KCNH4: variants seen among roughly 807,000 people sequenced by gnomAD.
The protein encoded by KCNH4 is voltage-gated delayed rectifier potassium channel KCNH4.
In KCNH4, 33 loss-of-function variants were observed where a neutral mutation model predicts 90.7. The ratio of observed to expected loss-of-function variants is 0.36; its 90% CI spans 0.28 to 0.49. KCNH4 has a LOEUF of 0.49. Ranked by LOEUF, KCNH4 falls within the 20% of genes least tolerant of loss-of-function variation. KCNH4 has a pLI of 0.98. For missense variants in KCNH4, 1,044 were observed against 1,387.1 expected, an observed-to-expected ratio of 0.75 and a Z score of 3.93; for synonymous variants, 551 against 581.7, an observed-to-expected ratio of 0.95 and a Z score of 0.76.
chr17:42,171,398 G>C (rs1489892009), intron 7 of KCNH4, among the ~76,000 whole-genome samples: 3 of 152,122 alleles, frequency 2.0e-5, no homozygotes, highest in African/African-American at 7.2e-5. Flanking sequence ...CAAGGGCCTG[G>C]GGCTGTCTCC....
intron 4 of KCNH4, 64 bp downstream of exon 4, chr17:42,178,036 G>A (rs2079874100): frequency 6.4e-7 from 1 of 1,572,376 alleles, no homozygotes; most frequent in Non-Finnish European, 8.6e-7. Context: ...GGAGACAGTG[G>A]CAGGGGTGCC....
In KCNH4 at chr17:42,180,493, CTG is replaced by C. The variant is rs1178799396; in HGVS notation, c.76+375_76+376del. On this transcript the variant is annotated intron_variant, in intron 1 of 16. Coordinates refer to ENST00000264661, the MANE Select transcript of KCNH4 (RefSeq NM_012285.3). This position sits in a 1 kb window ranked among gnomAD's most constrained non-coding sequence, Gnocchi z 4.7. ...TTCTGGAGGTAGTGGGAGCTGGAGT[CTG>C]TGAGTAGACCCCAGAATGCCCGGCC... Among the ~76,000 whole-genome samples, 3 of 152,112 alleles carry C rather than the reference CTG, an allele frequency of 2.0e-5. No individual in the cohort carries two copies. Among genetic ancestry groups the C allele is most frequent in the Non-Finnish European group, 4.4e-5 (3 of 68,012 alleles).
chr17:42,171,642 A>C (rs1417422077), intron 7 of KCNH4, 146 bp downstream of exon 7: 5 of 835,498 alleles, frequency 6.0e-6, no homozygotes, highest in Non-Finnish European at 1.0e-5. Context: ...CAATATTCCC[A>C]TGCTTGATCC....
At chr17:42,165,277 G>T (rs555217489) in intron 11 of KCNH4, among the ~76,000 whole-genome samples, 172 bp downstream of exon 11, 2 of 152,242 alleles carry the variant, frequency 1.3e-5, no homozygotes, top group Non-Finnish European at 2.9e-5. Flanking sequence ...GGCCAGTGTA[G>T]TGTCAGCGGG....
At chr17:42,169,010 A>G (rs2079807583) in intron 9 of KCNH4, among the ~76,000 whole-genome samples, 1 of 152,010 alleles carries the variant, frequency 6.6e-6, no homozygotes. Flanking sequence ...TGACCTTGTG[A>G]TCCGCCCACC....
At chr17:42,166,169 C>T (rs573178777) in intron 10 of KCNH4, 128 bp downstream of exon 10, 5 of 1,210,476 alleles carry the variant, frequency 4.1e-6, no homozygotes, top group Non-Finnish European at 5.7e-6. Flanking sequence ...GAGAGTACTC[C>T]TCAGCAGGAA....
At chr17:42,167,761 G>T (rs2079798023) in intron 9 of KCNH4, among the ~76,000 whole-genome samples, 2 of 152,206 alleles carry the variant, frequency 1.3e-5, no homozygotes, top group Non-Finnish European at 2.9e-5. Flanking sequence ...GCAACCAGCA[G>T]GAGATTACCA....
chr17:42,173,949 G>T (rs1226741299), intron 6 of KCNH4, among the ~76,000 whole-genome samples: 1 of 151,664 alleles, frequency 6.6e-6, no homozygotes, highest in Admixed American at 6.6e-5. Context: ...TGATCCGCCC[G>T]CCTGGGCCTC....
intron 4 of KCNH4, 54 bp from the exon 5 acceptor site, chr17:42,176,351 T>C: frequency 9.1e-7 from 1 of 1,104,804 alleles, no homozygotes; most frequent in Admixed American, 2.9e-5. Flanking sequence ...GGAGCCAAGA[T>C]GGGGGGTGGG....
rs1039196287 is a variant in KCNH4, at chr17:42,181,025, G to C, written c.-80C>G. Reference sequence around the variant, plus strand: ...GCCGGAGGGGGCGCGCTGTCGGAGGGGCCGGGGCGCCCCATGCGCCCTCCT... The same window carrying C: ...GCCGGAGGGGGCGCGCTGTCGGAGGCGCCGGGGCGCCCCATGCGCCCTCCT... On this transcript the variant is annotated 5_prime_UTR_variant, in exon 1 of 17. Transcript: ENST00000264661. 1.5e-6 allele frequency: 2 copies of C among 1,324,034 alleles called. No homozygotes were observed. The highest frequency in any genetic ancestry group is 1.5e-5 in the African/African-American group (1 of 66,646). 82.0% of individuals were successfully genotyped at this position (1,324,034 alleles called of 1,614,324 possible). A position where few individuals can be genotyped will look rare whatever the true frequency, so the allele number is the denominator to read the frequency against.
At chr17:42,173,735 C>T (rs2079843678) in intron 6 of KCNH4, among the ~76,000 whole-genome samples, 1 of 139,954 alleles carries the variant, frequency 7.1e-6, no homozygotes. Context: ...GACAGAGTCC[C>T]TGTCGCCCAG....
intron 7 of KCNH4, among the ~76,000 whole-genome samples, 179 bp from the exon 8 acceptor site, chr17:42,170,480 G>A (rs2079820072): frequency 6.6e-6 from 1 of 152,262 alleles, no homozygotes; most frequent in South Asian, 2.1e-4. Context: ...GCATTCCAAG[G>A]CCGCCAACTA....
rs1003872993 is a variant in KCNH4 at position 42,181,061 on chromosome 17, C to T, written c.-116G>A. ...CCCATGCGCCCTCCTGCCTCCTCCC[C>T]TCCCTCTTACTGCCGCTGCCGCTGC... On this transcript the variant is annotated 5_prime_UTR_variant, in exon 1 of 17. Transcript: ENST00000264661. 2.0e-5 allele frequency: 17 copies of T among 832,718 alleles called. No homozygotes were observed. In the East Asian group the frequency reaches 2.2e-4, roughly 11 times the overall value. The allele number at this position is 832,718 out of a possible 1,614,324, so 51.6% of individuals were successfully genotyped here. A position where few individuals can be genotyped will look rare whatever the true frequency, so the allele number is the denominator to read the frequency against.
intron 9 of KCNH4, among the ~76,000 whole-genome samples, chr17:42,168,417 A>T (rs1047556963): frequency 2.0e-5 from 3 of 152,202 alleles, no homozygotes; most frequent in Non-Finnish European, 2.9e-5. Context: ...AGGCTGAAGC[A>T]GGTGTATTAC....
intron 15 of KCNH4, among the ~76,000 whole-genome samples, chr17:42,161,829 CTATTTCCCCA>C (rs2144119498): frequency 6.6e-6 from 1 of 152,296 alleles, no homozygotes; most frequent in Non-Finnish European, 1.5e-5. Flanking sequence ...GCACATATTA[CTATTTCCCCA>C]TTTTAGATGA....
intron 6 of KCNH4, among the ~76,000 whole-genome samples, chr17:42,174,155 AC>A (rs1349747345): frequency 6.6e-6 from 1 of 152,012 alleles, no homozygotes; most frequent in African/African-American, 2.4e-5. Context: ...AAGGGGTTTC[AC>A]CTGTTGCCCA....
chr17:42,169,609 C>T lies in KCNH4; in HGVS notation c.1458G>A (p.Ser486=), dbSNP rs777330774. ...AIIQRMYSRR[S]LYHSRMKDLK... Reference sequence around the variant, plus strand: ...GGTCCTTCATGCGGCTGTGGTAGAGCGAGCGGCGCGAGTACATGCGCTGGA... The same window carrying T: ...GGTCCTTCATGCGGCTGTGGTAGAGTGAGCGGCGCGAGTACATGCGCTGGA... The change falls in exon 9 of 17, where the codon TCG becomes TCA. Residue 486 remains serine, a synonymous_variant. Coordinates refer to ENST00000264661, the MANE Select transcript of KCNH4 (RefSeq NM_012285.3). 18 of 1,613,860 alleles carry T rather than the reference C, an allele frequency of 1.1e-5. No individual in the cohort carries two copies. The highest frequency in any genetic ancestry group is 7.7e-5 in the South Asian group (7 of 91,092).
chr17:42,175,631 T>A lies in KCNH4; in HGVS notation c.935A>T (p.Asp312Val). Residue 312 changes from aspartate to valine, a missense_variant, in exon 6 of 17, where the codon GAC becomes GTC. Coordinates refer to ENST00000264661, the MANE Select transcript of KCNH4 (RefSeq NM_012285.3). ...LHYLATWFFI[D>V]LIAALPFDLL... ...GTCAAAGGGCAGAGCAGCAATAAGG[T>A]CGATGAAGAACCAGGTGGCCAGGTA... 6.2e-7 allele frequency: 1 copy of A among 1,613,964 alleles called. No homozygotes were observed. The highest frequency in any genetic ancestry group is 8.5e-7 in the Non-Finnish European group (1 of 1,179,990).
chr17:42,167,838 C>T (rs1359507620), intron 9 of KCNH4, among the ~76,000 whole-genome samples: 2 of 152,236 alleles, frequency 1.3e-5, no homozygotes, highest in Non-Finnish European at 2.9e-5. Context: ...CCACACCACT[C>T]CCCAGTCTAA....
Sources: allele counts gnomAD v4.1 joint callset (sites outside exome capture counted in the v4.1 genomes callset), GRCh38; gene constraint gnomAD v4.1.1; non-coding constraint Gnocchi (gnomAD v3.1); transcripts MANE v1.5; gene names NCBI Gene and HGNC (gene_info 2026-07-23, HGNC 2026-07-21).